The following NRG1 variants were observed in gnomAD, a reference collection of about 807,000 sequenced individuals.
The protein encoded by NRG1 is neuregulin 1.
In NRG1, 18 loss-of-function variants were observed where a neutral mutation model predicts 63.8. That is an observed-to-expected ratio of 0.28 (90% CI 0.19 to 0.42). NRG1 has a LOEUF of 0.42. NRG1 is among the 10% of genes least tolerant of loss of function. NRG1 has a pLI of 1.00. For missense variants in NRG1, 762 were observed against 814.7 expected (o/e 0.94, Z 0.79); for synonymous variants, 302 against 301.3 (o/e 1.00, Z -0.02).
At position 31,903,816 on chromosome 8, in the gene NRG1, G is replaced by A. The variant is rs1034059441; in HGVS notation, c.37+264385G>A. Among the ~76,000 whole-genome samples, 16 of 152,058 alleles carry A rather than the reference G, an allele frequency of 1.1e-4. No individual in the cohort carries two copies. The East Asian group carries it at 1.4e-3, about 13-fold the overall frequency. On this transcript the variant is annotated intron_variant, in intron 1 of 10. Coordinates refer to the NRG1 transcript ENST00000519301. ...CTAAAAATACAAAAATTAGCCAGGC[G>A]TGGTGATGTGCGCCTGTAATCCCAG...
chr8:32,060,822 C>T (rs1268428730), intron 1 of NRG1, among the ~76,000 whole-genome samples: 1 of 151,876 alleles, frequency 6.6e-6, no homozygotes, highest in African/African-American at 2.4e-5. Flanking sequence ...ATATTTTAGA[C>T]TCTGGTTTTC....
chr8:31,640,856 G>A lies in NRG1; in HGVS notation c.37+1425G>A. On this transcript the variant is annotated intron_variant, in intron 1 of 10. Transcript: ENST00000519301. This position sits in a 1 kb window ranked among gnomAD's most constrained non-coding sequence, Gnocchi z 6.3. ...CTCTGGGTCCCAGTTGTTGGTTTCA[G>A]GGTGGTGGGTTCTCAGCGATCCTCA... 7.2e-7 allele frequency: 1 copy of A among 1,396,578 alleles called. No homozygotes were observed. Among genetic ancestry groups the A allele is most frequent in the Non-Finnish European group, 9.3e-7 (1 of 1,079,034 alleles). 86.5% of individuals were successfully genotyped at this position (1,396,578 alleles called of 1,614,324 possible).
chr8:32,760,142 T>G (rs1359565842), intron 10 of NRG1, 58 bp from the exon 11 acceptor site: 19 of 1,595,266 alleles, frequency 1.2e-5, no homozygotes. Flanking sequence ...TCATTTCCAT[T>G]TTTTTGCATA....
At chr8:32,408,376 A>C (rs1397296848) in intron 1 of NRG1, among the ~76,000 whole-genome samples, 1 of 152,142 alleles carries the variant, frequency 6.6e-6, no homozygotes, top group East Asian at 1.9e-4. Context: ...CCAGAGTTCA[A>C]GAACAGTTTG....
At chr8:31,976,147 A>G (rs1490616841) in intron 1 of NRG1, among the ~76,000 whole-genome samples, 2 of 152,178 alleles carry the variant, frequency 1.3e-5, no homozygotes, top group African/African-American at 4.8e-5. Flanking sequence ...TTTTGAGGAT[A>G]TCAACATTAG....
At chr8:32,615,194 TCACAAGC>T (rs1389333692) in intron 4 of NRG1, among the ~76,000 whole-genome samples, 1 of 152,154 alleles carries the variant, frequency 6.6e-6, no homozygotes, top group African/African-American at 2.4e-5. Flanking sequence ...ATTGATTTCT[TCACAAGC>T]TATGAATTTA....
At chr8:32,507,982 G>A (rs1036181004) in intron 1 of NRG1, among the ~76,000 whole-genome samples, 30 of 152,180 alleles carry the variant, frequency 2.0e-4, no homozygotes, top group African/African-American at 7.0e-4. Context: ...ACAGGCATGA[G>A]CCACCGTACC....
intron 1 of NRG1, among the ~76,000 whole-genome samples, chr8:32,445,817 T>G (rs558029459): frequency 6.6e-5 from 10 of 152,086 alleles, no homozygotes; most frequent in African/African-American, 2.4e-4. Flanking sequence ...GGATTACTAA[T>G]TGTCTAAAAT....
chr8:31,756,908 C>T (rs940242068), intron 1 of NRG1, among the ~76,000 whole-genome samples: 1 of 152,068 alleles, frequency 6.6e-6, no homozygotes, highest in African/African-American at 2.4e-5. Flanking sequence ...TTTTAGCAAA[C>T]ATTGAGGTTT....
intron 1 of NRG1, among the ~76,000 whole-genome samples, chr8:31,702,874 G>A (rs1810766430): frequency 6.6e-6 from 1 of 151,926 alleles, no homozygotes; most frequent in Admixed American, 6.6e-5. Flanking sequence ...AATGTACATT[G>A]TCTATTATTA....
At chr8:32,144,613 T>C (rs374574410) in intron 1 of NRG1, among the ~76,000 whole-genome samples, 1 of 152,204 alleles carries the variant, frequency 6.6e-6, no homozygotes, top group Non-Finnish European at 1.5e-5. Context: ...AGGAATTCCC[T>C]TCATTGACTC....
intron 1 of NRG1, among the ~76,000 whole-genome samples, chr8:31,715,202 G>A (rs187741372): frequency 6.6e-6 from 1 of 152,218 alleles, no homozygotes; most frequent in East Asian, 1.9e-4. Context: ...TGAATAGAAT[G>A]CAATTAGAGA....
At chr8:31,667,275 A>G (rs1806647126) in intron 1 of NRG1, among the ~76,000 whole-genome samples, 1 of 152,234 alleles carries the variant, frequency 6.6e-6, no homozygotes, top group Non-Finnish European at 1.5e-5. Flanking sequence ...GGAGTTCCCA[A>G]TCTAATACAG....
intron 1 of NRG1, among the ~76,000 whole-genome samples, chr8:31,780,232 C>T (rs1819549011): frequency 6.6e-6 from 1 of 152,136 alleles, no homozygotes; most frequent in Non-Finnish European, 1.5e-5. Context: ...TGACTAAACT[C>T]GAGTTGGCAA....
Position 32,756,509 on chromosome 8 carries a change from G to A in NRG1, c.901G>A (p.Glu301Lys), listed in dbSNP as rs760205275. ...GCCTCACCATCCTAACCCACCCCCC[G>A]AGAATGTCCAGCTGGTGAATGTACG... Residue 301 changes from glutamate to lysine, a missense_variant, in exon 9 of 12, where the codon GAG (glutamate) becomes AAG (lysine). Around this residue, in one of 3 missense-constraint regions of NRG1, gnomAD observed 503 missense variants for 506.8 expected, o/e 0.99. Transcript: ENST00000356819. 44 of 1,612,058 alleles carry A rather than the reference G, an allele frequency of 2.7e-5. 1 individual carries two copies. The Middle Eastern group carries it at 8.3e-4, about 30-fold the overall frequency.
chr8:31,991,999 C>G (rs1180271046), intron 1 of NRG1, among the ~76,000 whole-genome samples: 2 of 151,818 alleles, frequency 1.3e-5, no homozygotes, highest in South Asian at 2.1e-4. Flanking sequence ...CCAAGGGCGT[C>G]TAAATGTTCA....
In NRG1 at chr8:32,500,359, C is replaced by T. The variant is rs141634184; in HGVS notation, c.38-95469C>T. Among the ~76,000 whole-genome samples, 23 of 152,244 alleles carry T rather than the reference C, an allele frequency of 1.5e-4. 1 individual carries two copies. In the East Asian group the frequency reaches 4.2e-3, roughly 28 times the overall value. On this transcript the variant is annotated intron_variant, in intron 1 of 10. Coordinates refer to the NRG1 transcript ENST00000519301. ...GGACTCTAAAACATTCTGAGTTTCC[C>T]GGGCCTGCCAGAAAGTTACCTTCCT...
At chr8:31,643,234 C>T (rs1803974161) in intron 1 of NRG1, among the ~76,000 whole-genome samples, 1 of 152,218 alleles carries the variant, frequency 6.6e-6, no homozygotes, top group Admixed American at 6.5e-5. Flanking sequence ...TAACATGAAG[C>T]TGCCCTGGGG....
At chr8:32,007,626 G>C (rs1813987886) in intron 1 of NRG1, among the ~76,000 whole-genome samples, 1 of 152,032 alleles carries the variant, frequency 6.6e-6, no homozygotes, top group Admixed American at 6.6e-5. Flanking sequence ...TCATGGCAGA[G>C]ATAGAAAGTC....
Sources: allele counts gnomAD v4.1 joint callset (sites outside exome capture counted in the v4.1 genomes callset), GRCh38; gene constraint gnomAD v4.1.1; regional missense constraint gnomAD v4.1.1; non-coding constraint Gnocchi (gnomAD v3.1); transcripts MANE v1.5; gene names NCBI Gene and HGNC (gene_info 2026-07-23, HGNC 2026-07-21).